Variants in DAB1 observed in about 807,000 individuals in gnomAD.
DAB1 encodes disabled homolog 1.
DAB1 carries 15 observed loss-of-function variants against 64.6 expected under a neutral mutation model. That is an observed-to-expected ratio of 0.23 (90% confidence interval 0.16 to 0.36). DAB1 has a LOEUF of 0.36. Ranked by LOEUF, DAB1 falls within the 10% of genes least tolerant of loss-of-function variation. DAB1 has a pLI of 1.00. For synonymous variants in DAB1, 235 were observed against 251.9 expected, an observed-to-expected ratio of 0.93 and a Z score of 0.64; for missense variants, 596 against 706.7, an observed-to-expected ratio of 0.84 and a Z score of 1.78.
chr1:58,020,677 T>G (rs1341075118), intron 5 of DAB1, among the ~76,000 whole-genome samples: 1 of 152,146 alleles, frequency 6.6e-6, no homozygotes, highest in Non-Finnish European at 1.5e-5. Context: ...TGAGAAGTTG[T>G]GTAAAACTGC....
At chr1:57,963,189 T>TA (rs1645568711) in intron 5 of DAB1, among the ~76,000 whole-genome samples, 1 of 152,194 alleles carries the variant, frequency 6.6e-6, no homozygotes, top group Non-Finnish European at 1.5e-5. Context: ...TTCCTGGGCT[T>TA]AGAGTCTAGA....
At chr1:57,152,806 TGTG>T (rs1659819969) in intron 2 of DAB1, among the ~76,000 whole-genome samples, 2 of 152,334 alleles carry the variant, frequency 1.3e-5, no homozygotes, top group South Asian at 4.1e-4. Context: ...AGCAACATTA[TGTG>T]GTGGTTGTCC....
chr1:58,384,049 TTTG>T (rs1256876839), intron 3 of DAB1, among the ~76,000 whole-genome samples: 1 of 152,086 alleles, frequency 6.6e-6, no homozygotes. Flanking sequence ...CTTGTTATCT[TTTG>T]TTGTTGTTTT....
intron 5 of DAB1, among the ~76,000 whole-genome samples, chr1:58,011,878 A>G (rs1339921898): frequency 6.6e-6 from 1 of 152,034 alleles, no homozygotes; most frequent in East Asian, 1.9e-4. Context: ...TTTAGTAGAG[A>G]CAGGGTTTTG....
intron 6 of DAB1, among the ~76,000 whole-genome samples, chr1:57,777,813 C>T (rs914823574): frequency 6.6e-6 from 1 of 152,072 alleles, no homozygotes; most frequent in African/African-American, 2.4e-5. Context: ...TGCTTCTTCA[C>T]ATGTCCCGTC....
intron 7 of DAB1, among the ~76,000 whole-genome samples, chr1:57,564,376 C>G (rs537857717): frequency 3.3e-5 from 5 of 152,200 alleles, no homozygotes; most frequent in Admixed American, 3.3e-4. Context: ...AAAATCAGAG[C>G]GCCTCTCCCC....
At chr1:58,401,546 T>A (rs1176223495) in intron 3 of DAB1, among the ~76,000 whole-genome samples, 1 of 152,242 alleles carries the variant, frequency 6.6e-6, no homozygotes, top group Non-Finnish European at 1.5e-5. Flanking sequence ...GACTATATAC[T>A]TATTTATTTC....
chr1:57,961,349 C>A (rs886809559), intron 5 of DAB1, among the ~76,000 whole-genome samples: 1 of 151,740 alleles, frequency 6.6e-6, no homozygotes, highest in Admixed American at 6.6e-5. Flanking sequence ...AAGCTCTTAA[C>A]CTCTAAACTT....
chr1:57,421,213 A>G (rs2101088117), intron 1 of DAB1, among the ~76,000 whole-genome samples: 1 of 152,326 alleles, frequency 6.6e-6, no homozygotes, highest in East Asian at 1.9e-4. Context: ...AAAATGAACA[A>G]TAAGTGATAC....
intron 2 of DAB1, among the ~76,000 whole-genome samples, chr1:57,177,389 T>C (rs1030568383): frequency 6.6e-6 from 1 of 152,124 alleles, no homozygotes; most frequent in Non-Finnish European, 1.5e-5. Context: ...AATCTGTCTT[T>C]TGTCAGCCTA....
At chr1:58,064,952 C>T (rs1648761791) in intron 5 of DAB1, among the ~76,000 whole-genome samples, 1 of 151,950 alleles carries the variant, frequency 6.6e-6, no homozygotes, top group African/African-American at 2.4e-5. Flanking sequence ...CCTCGTGATC[C>T]GCCCACCTCG....
At chr1:57,593,839 C>A (rs1004629641) in intron 7 of DAB1, among the ~76,000 whole-genome samples, 3 of 152,142 alleles carry the variant, frequency 2.0e-5, no homozygotes, top group Admixed American at 2.0e-4. Context: ...CTCGTCTTTA[C>A]AACTAGGAAT....
chr1:58,306,050 A>G (rs1277415987), intron 4 of DAB1, among the ~76,000 whole-genome samples: 1 of 151,442 alleles, frequency 6.6e-6, no homozygotes, highest in Non-Finnish European at 1.5e-5. Context: ...TCCAGGGCAG[A>G]CACACATTGG....
Position 57,487,372 on chromosome 1 carries a change from T to C in DAB1, n.625+162220A>G, listed in dbSNP as rs78984781. Among the ~76,000 whole-genome samples, 872 of 152,278 alleles carry C rather than the reference T, an allele frequency of 5.7e-3. 45 individuals carry two copies. The East Asian group carries it at 0.14, about 24-fold the overall frequency. The stretch of plus-strand genomic sequence containing the variant: ...GGCTTACTCCCAGATGCCCGCTGGC[T>C]GTGAGAACAACTGTGAACTCTGGTG... On this transcript the variant is annotated intron_variant and non_coding_transcript_variant, in intron 7 of 20. Coordinates refer to the DAB1 transcript ENST00000485760.
At chr1:58,540,877 C>G (rs1044200275) in intron 1 of DAB1, among the ~76,000 whole-genome samples, 1 of 150,212 alleles carries the variant, frequency 6.7e-6, no homozygotes, top group East Asian at 1.9e-4. Context: ...ATTATAAAAC[C>G]ACAAATTCAA....
intron 4 of DAB1, among the ~76,000 whole-genome samples, chr1:57,134,122 G>A (rs1303473554): frequency 6.6e-6 from 1 of 152,036 alleles, no homozygotes; most frequent in Non-Finnish European, 1.5e-5. Flanking sequence ...CCCCAGCGAC[G>A]GTGAACTCCC....
chr1:58,225,817 G>C (rs1199956583), intron 4 of DAB1, among the ~76,000 whole-genome samples: 3 of 113,446 alleles, frequency 2.6e-5, no homozygotes, highest in African/African-American at 9.9e-5. Context: ...TTGTGGGGTG[G>C]GGGGAGGGGG....
chr1:58,137,585 C>G (rs1423852775), intron 5 of DAB1, among the ~76,000 whole-genome samples: 1 of 152,164 alleles, frequency 6.6e-6, no homozygotes, highest in Admixed American at 6.5e-5. Context: ...ATGCATCCAA[C>G]TATCCATCCA....
chr1:58,299,327 G>C (rs1010175145), intron 4 of DAB1, among the ~76,000 whole-genome samples: 3 of 152,190 alleles, frequency 2.0e-5, no homozygotes, highest in Admixed American at 2.0e-4. Context: ...AAGCGAGGAG[G>C]TATGATGGTT....
Sources: allele counts gnomAD v4.1 joint callset (sites outside exome capture counted in the v4.1 genomes callset), GRCh38; gene constraint gnomAD v4.1.1; transcripts MANE v1.5; gene names NCBI Gene and HGNC (gene_info 2026-07-23, HGNC 2026-07-21).